DACH1: variants seen among roughly 807,000 people sequenced by gnomAD.
The protein encoded by DACH1 is dachshund homolog 1.
Under a neutral mutation model 54.2 loss-of-function variants are expected in DACH1, and 12 were observed. The observed-to-expected ratio is 0.22, with a 90% CI of 0.14 to 0.36. The LOEUF (loss-of-function observed/expected upper bound fraction) is 0.36, where lower values mean the gene tolerates loss of function less well. DACH1 is among the 10% of genes least tolerant of loss of function. The pLI, the probability that DACH1 is intolerant of heterozygous loss-of-function variation, is 1.00. For missense variants in DACH1, 805 were observed against 929.8 expected, an observed-to-expected ratio of 0.87 and a Z score of 1.75; for synonymous variants, 386 against 366.2, an observed-to-expected ratio of 1.05 and a Z score of -0.62.
At chr13:71,772,318 T>C (rs1239937697) in intron 1 of DACH1, among the ~76,000 whole-genome samples, 3 of 151,712 alleles carry the variant, frequency 2.0e-5, no homozygotes, top group Non-Finnish European at 3.0e-5. Flanking sequence ...AAAGCATTTG[T>C]GTGTATTTTG....
At chr13:71,776,252 G>A (rs530272470) in intron 1 of DACH1, among the ~76,000 whole-genome samples, 1 of 152,112 alleles carries the variant, frequency 6.6e-6, no homozygotes, top group Non-Finnish European at 1.5e-5. Context: ...AACCAAGGTT[G>A]GCAACACCAT....
chr13:71,740,761 C>A (rs1884346596), intron 1 of DACH1, among the ~76,000 whole-genome samples: 1 of 152,060 alleles, frequency 6.6e-6, no homozygotes. Context: ...TGAAAAGTTA[C>A]AAGAATCACT....
intron 4 of DACH1, among the ~76,000 whole-genome samples, chr13:71,561,443 G>T (rs1884577109): frequency 1.3e-5 from 2 of 152,158 alleles, no homozygotes; most frequent in Non-Finnish European, 2.9e-5. Flanking sequence ...TAGGAGGGAA[G>T]AATGTCATGT....
intron 10 of DACH1, among the ~76,000 whole-genome samples, chr13:71,458,530 A>C (rs1215339136): frequency 1.3e-5 from 2 of 151,844 alleles, no homozygotes; most frequent in African/African-American, 4.8e-5. Context: ...AAAATTTCTA[A>C]AGTTTTAGAT....
chr13:71,746,388 A>G, intron 1 of DACH1, among the ~76,000 whole-genome samples: 1 of 152,154 alleles, frequency 6.6e-6, no homozygotes, highest in Admixed American at 6.5e-5. Flanking sequence ...ACAAAAATCA[A>G]TCACATTTGG....
intron 1 of DACH1, among the ~76,000 whole-genome samples, chr13:71,805,679 A>C (rs541225101): frequency 6.6e-6 from 1 of 152,214 alleles, no homozygotes; most frequent in Admixed American, 6.5e-5. Flanking sequence ...GAGTCTTCTG[A>C]AAATGCTTAG....
intron 1 of DACH1, among the ~76,000 whole-genome samples, chr13:71,857,433 C>T (rs1275736862): frequency 6.6e-6 from 1 of 151,642 alleles, no homozygotes; most frequent in Non-Finnish European, 1.5e-5. Flanking sequence ...TGTGGCCCTA[C>T]ATCCTACAGG....
chr13:71,737,206 G>C (rs1016184990), intron 1 of DACH1, among the ~76,000 whole-genome samples: 1 of 151,886 alleles, frequency 6.6e-6, no homozygotes, highest in African/African-American at 2.4e-5. Flanking sequence ...CTGGGCGACA[G>C]AACAAGACTC....
chr13:71,861,275 TATC>T (rs1874333303), intron 1 of DACH1, among the ~76,000 whole-genome samples: 1 of 151,944 alleles, frequency 6.6e-6, no homozygotes, highest in East Asian at 1.9e-4. Flanking sequence ...CAAAATAAAA[TATC>T]ATATGTACAA....
chr13:71,831,826 AT>A (rs892732259), intron 1 of DACH1, among the ~76,000 whole-genome samples: 21 of 151,590 alleles, frequency 1.4e-4, no homozygotes, highest in Admixed American at 1.3e-3. Context: ...GTAATCAAGA[AT>A]TTTTTTTGCA....
At chr13:71,505,413 T>C (rs941323579) in intron 6 of DACH1, among the ~76,000 whole-genome samples, 1 of 152,196 alleles carries the variant, frequency 6.6e-6, no homozygotes, top group Non-Finnish European at 1.5e-5. Flanking sequence ...TTTAGAAGGC[T>C]TGAGATACAT....
chr13:71,813,225 T>G (rs954813346), intron 1 of DACH1, among the ~76,000 whole-genome samples: 2 of 152,180 alleles, frequency 1.3e-5, no homozygotes, highest in Non-Finnish European at 2.9e-5. Context: ...GAACTATTAT[T>G]TATAGAGCTC....
At chr13:71,657,682 T>C (rs867647507) in intron 2 of DACH1, among the ~76,000 whole-genome samples, 13 of 152,264 alleles carry the variant, frequency 8.5e-5, no homozygotes, top group East Asian at 1.9e-4. Flanking sequence ...TACAAAATGT[T>C]GTGAATGTAC....
intron 2 of DACH1, among the ~76,000 whole-genome samples, chr13:71,631,933 T>C (rs768054135): frequency 3.3e-4 from 50 of 152,038 alleles, no homozygotes; most frequent in Non-Finnish European, 5.6e-4. Flanking sequence ...ACCCCCTCTC[T>C]ACAAAAAATA....
intron 1 of DACH1, among the ~76,000 whole-genome samples, chr13:71,686,576 T>C (rs1404441616): frequency 1.3e-5 from 2 of 152,234 alleles, no homozygotes; most frequent in Non-Finnish European, 2.9e-5. Context: ...AGAAGCTTAG[T>C]GCAAAAGAGC....
At chr13:71,562,928 G>C (rs1884679761) in intron 4 of DACH1, among the ~76,000 whole-genome samples, 1 of 151,970 alleles carries the variant, frequency 6.6e-6, no homozygotes, top group Admixed American at 6.6e-5. Flanking sequence ...TTATCATAGA[G>C]GATGCATTTA....
intron 10 of DACH1, among the ~76,000 whole-genome samples, chr13:71,464,242 G>GTCTT (rs1022767817): frequency 1.3e-5 from 2 of 151,442 alleles, no homozygotes; most frequent in African/African-American, 4.8e-5. Context: ...AAATGAGCTG[G>GTCTT]TCTTTATAAA....
At chr13:71,543,991 C>T (rs1883305147) in intron 6 of DACH1, among the ~76,000 whole-genome samples, 1 of 152,056 alleles carries the variant, frequency 6.6e-6, no homozygotes, top group Non-Finnish European at 1.5e-5. Context: ...CTCAGAAAGG[C>T]ATTTTATCCT....
At chr13:71,805,818 T>C (rs563675146) in intron 1 of DACH1, among the ~76,000 whole-genome samples, 1 of 152,276 alleles carries the variant, frequency 6.6e-6, no homozygotes, top group South Asian at 2.1e-4. Context: ...AATTCTTTTT[T>C]TTTGAGATGG....
Sources: allele counts gnomAD v4.1 joint callset (sites outside exome capture counted in the v4.1 genomes callset), GRCh38; gene constraint gnomAD v4.1.1; transcripts MANE v1.5; gene names NCBI Gene and HGNC (gene_info 2026-07-23, HGNC 2026-07-21).